Variants in ZFPM1 observed in about 807,000 individuals in gnomAD.
The protein encoded by ZFPM1 is zinc finger protein ZFPM1.
A neutral mutation model predicts 46.3 loss-of-function variants in ZFPM1; 28 were observed. The observed-to-expected ratio is 0.60, with a 90% CI of 0.45 to 0.83. The LOEUF (loss-of-function observed/expected upper bound fraction) is 0.83, where lower values mean the gene tolerates loss of function less well. Ranked by LOEUF, ZFPM1 falls within the 40% of genes least tolerant of loss-of-function variation. ZFPM1 has a pLI of 0.00. For synonymous variants in ZFPM1, 957 were observed against 675.9 expected, an observed-to-expected ratio of 1.42 and a Z score of -6.45; for missense variants, 1,878 against 1,432.4, an observed-to-expected ratio of 1.31 and a Z score of -5.02.
chr16:88,534,235 G>A lies in ZFPM1; in HGVS notation c.2277G>A (p.Pro759=), dbSNP rs1288589190. ...CGGCCGGCGCCCCGCCCCCCCCGCCGCCCGGCCACGCCCCCGCGCCCGAGT... is the reference window on the plus strand; with the variant it reads ...CGGCCGGCGCCCCGCCCCCCCCGCCACCCGGCCACGCCCCCGCGCCCGAGT... ...LHAAGAPPPP[P]PGHAPAPESP... The change falls in exon 10 of 10, where the codon CCG becomes CCA. Residue 759 remains proline (P), a synonymous_variant. Transcript: ENST00000319555. The A allele has an allele frequency of 2.6e-6, 2 of 777,920 alleles. No homozygotes were observed. The highest frequency in any genetic ancestry group is 2.2e-5 in the African/African-American group (1 of 45,762). 48.2% of individuals were successfully genotyped at this position (777,920 alleles called of 1,614,324 possible).
At chr16:88,462,140 T>G (rs766874797) in intron 1 of ZFPM1, among the ~76,000 whole-genome samples, 4 of 152,190 alleles carry the variant, frequency 2.6e-5, no homozygotes, top group Non-Finnish European at 4.4e-5. Flanking sequence ...AGCAGGCCCC[T>G]CCCCTCAGCC....
At chr16:88,489,615 C>T (rs1396433623) in intron 3 of ZFPM1, among the ~76,000 whole-genome samples, 2 of 152,218 alleles carry the variant, frequency 1.3e-5, no homozygotes, top group Non-Finnish European at 2.9e-5. Context: ...CACTCCAGAG[C>T]GGCTGCAGCC....
At chr16:88,485,861 C>A in intron 1 of ZFPM1, 78 bp from the exon 2 acceptor site, 9 of 1,408,568 alleles carry the variant, frequency 6.4e-6, no homozygotes, top group Non-Finnish European at 9.0e-6. Flanking sequence ...CGGGGCTGTA[C>A]CTATGCCAGG....
chr16:88,464,260 T>C (rs1249269350), intron 1 of ZFPM1, among the ~76,000 whole-genome samples: 1 of 152,020 alleles, frequency 6.6e-6, no homozygotes, highest in Non-Finnish European at 1.5e-5. Flanking sequence ...GTGCCTAAGG[T>C]TGAGACCCAC....
intron 4 of ZFPM1, among the ~76,000 whole-genome samples, chr16:88,523,976 G>C (rs958650594): frequency 6.6e-6 from 1 of 152,228 alleles, no homozygotes; most frequent in African/African-American, 2.4e-5. Context: ...TCGGGGGTGC[G>C]TGCAGCGTCA....
chr16:88,485,794 G>C (rs1909186609), intron 1 of ZFPM1, 145 bp from the exon 2 acceptor site: 1 of 659,216 alleles, frequency 1.5e-6, no homozygotes, highest in East Asian at 2.8e-5. Context: ...CCTGTCCTTT[G>C]ACCTCAGGGT....
rs371348967 is a variant in ZFPM1, at chr16:88,476,412, G to A, written c.41-9527G>A. On this transcript the variant is annotated intron_variant, in intron 1 of 9. Transcript: ENST00000319555. ...GCTGGGGGTGCGGCCGTGAGCATAC[G>A]TGAAGGGAGGGAGAGAGGGCCGCCA... Among the ~76,000 whole-genome samples the A allele has an allele frequency of 4.6e-4, 70 of 152,250 alleles. 1 individual carries two copies. In the Middle Eastern group the frequency reaches 0.014, roughly 30 times the overall value.
At chr16:88,501,118 CAGACATGGATGCGGGGGCCATCCCGCA>C (rs1567540932) in intron 3 of ZFPM1, among the ~76,000 whole-genome samples, 2 of 140,252 alleles carry the variant, frequency 1.4e-5, no homozygotes, top group African/African-American at 5.8e-5. Flanking sequence ...ATGGAGATAG[CAGACATGGATGCGGGGGCCATCCCGCA>C]GGTGCTGGTG....
chr16:88,501,713 T>G (rs1310671842), intron 3 of ZFPM1, among the ~76,000 whole-genome samples: 1 of 145,402 alleles, frequency 6.9e-6, no homozygotes, highest in African/African-American at 2.6e-5. Context: ...CAGGTGCTCT[T>G]GATGATGGAG....
chr16:88,533,687 G>A lies in ZFPM1; in HGVS notation c.1729G>A (p.Ala577Thr), dbSNP rs1433818698. The A allele has an allele frequency of 2.7e-6, 4 of 1,502,618 alleles. No homozygotes were observed. The highest frequency in any genetic ancestry group is 2.7e-6 in the Non-Finnish European group (3 of 1,120,252). 93.1% of individuals were successfully genotyped at this position (1,502,618 alleles called of 1,614,324 possible). The change falls in exon 10 of 10, where the codon GCT (alanine) becomes ACT (threonine). Residue 577 changes from alanine to threonine, a missense_variant. Physicochemically the swap from Ala to Thr is moderately conservative, Grantham distance 58. Coordinates refer to ENST00000319555, the MANE Select transcript of ZFPM1 (RefSeq NM_153813.3). ...GCTCTTCCCCGGGGCCCCCAAGGGCGCTACGTGCTTCGAGTGCGAGATCAC... is the reference window on the plus strand; with the variant it reads ...GCTCTTCCCCGGGGCCCCCAAGGGCACTACGTGCTTCGAGTGCGAGATCAC... ...TGLFPGAPKG[A>T]TCFECEITFS...
chr16:88,501,721 GAGGTAACGGGT>G (rs1910348532), intron 3 of ZFPM1, among the ~76,000 whole-genome samples: 1 of 144,012 alleles, frequency 6.9e-6, no homozygotes, highest in Admixed American at 6.8e-5. Context: ...CTTGATGATG[GAGGTAACGGGT>G]GTGGGTGCCG....
At chr16:88,456,124 G>A (rs1308745690) in intron 1 of ZFPM1, among the ~76,000 whole-genome samples, 1 of 152,254 alleles carries the variant, frequency 6.6e-6, no homozygotes. Flanking sequence ...GTCTGGGGGA[G>A]TTTTCTCCCC....
chr16:88,515,975 C>T (rs1017507310), intron 4 of ZFPM1: 1 of 396,060 alleles, frequency 2.5e-6, no homozygotes, highest in African/African-American at 2.1e-5. Flanking sequence ...GTCAAGAAAA[C>T]CCATAGGTAG....
chr16:88,499,753 A>G (rs1910145501), intron 3 of ZFPM1, among the ~76,000 whole-genome samples: 1 of 151,646 alleles, frequency 6.6e-6, no homozygotes, highest in African/African-American at 2.4e-5. Flanking sequence ...TAGCCACCCC[A>G]CCCCCATGCT....
intron 9 of ZFPM1, 71 bp from the exon 10 acceptor site, chr16:88,533,077 C>G (rs927858288): frequency 2.6e-5 from 29 of 1,124,802 alleles, no homozygotes; most frequent in Non-Finnish European, 3.4e-5. Flanking sequence ...CCTTCCGGAG[C>G]TCGCCCTCCA....
At position 88,532,905 on chromosome 16, in the gene ZFPM1, G is replaced by A. The variant is rs766110763; in HGVS notation, c.1159G>A (p.Ala387Thr). The A allele has an allele frequency of 5.0e-6, 8 of 1,613,236 alleles. No individual in the cohort carries two copies. The highest frequency in any genetic ancestry group is 2.2e-5 in the South Asian group (2 of 91,090). Residue 387 changes from alanine (A) to threonine (T), a missense_variant, in exon 9 of 10, where the codon GCC (alanine) becomes ACC (threonine). By Grantham distance (58) the Ala-to-Thr change is moderately conservative (BLOSUM62 0). Transcript: ENST00000319555. The stretch of plus-strand genomic sequence containing the variant: ...CAAGGGTGAGATCTACTCGCCAGGG[G>A]CCGGACACCCAGCAACCAAGCTGCC... ...GSKGEIYSPG[A>T]GHPATKLPPD...
chr16:88,473,944 A>C (rs1299598078), intron 1 of ZFPM1, among the ~76,000 whole-genome samples: 1 of 152,032 alleles, frequency 6.6e-6, no homozygotes, highest in Non-Finnish European at 1.5e-5. Flanking sequence ...GGTTCTCCGG[A>C]GTGAAGCAAT....
intron 1 of ZFPM1, among the ~76,000 whole-genome samples, chr16:88,479,387 C>T (rs946219851): frequency 6.6e-6 from 1 of 152,090 alleles, no homozygotes; most frequent in Non-Finnish European, 1.5e-5. Flanking sequence ...TGGGAGGGCG[C>T]CGCTTGGCTG....
At position 88,534,524 on chromosome 16, in the gene ZFPM1, T is replaced by C; in HGVS notation, c.2566T>C (p.Cys856Arg). 7.1e-7 allele frequency: 1 copy of C among 1,415,312 alleles called. No individual in the cohort carries two copies. The highest frequency in any genetic ancestry group is 1.4e-5 in the South Asian group (1 of 72,098). 87.7% of individuals were successfully genotyped at this position (1,415,312 alleles called of 1,614,324 possible). Residue 856 changes from cysteine (C) to arginine (R), a missense_variant, in exon 10 of 10, where the codon TGC becomes CGC. Cys to Arg is a radical substitution (Grantham distance 180). Transcript: ENST00000319555. ...CGCGCTCGGCCTGCCCGCCGCCGCC[T>C]GCCCCTACTGCCCCCCGAACGGCCC... ...PGALGLPAAA[C>R]PYCPPNGPVR...
Sources: allele counts gnomAD v4.1 joint callset (sites outside exome capture counted in the v4.1 genomes callset), GRCh38; gene constraint gnomAD v4.1.1; transcripts MANE v1.5; gene names NCBI Gene and HGNC (gene_info 2026-07-23, HGNC 2026-07-21).